The following NRROS variants were observed in gnomAD, a reference collection of about 807,000 sequenced individuals.
NRROS encodes the protein negative regulator of reactive oxygen species.
Under a neutral mutation model 12.0 loss-of-function variants are expected in NRROS, and 6 were observed. The observed-to-expected ratio is 0.50, with a 90% CI of 0.27 to 0.98. The LOEUF (loss-of-function observed/expected upper bound fraction) is 0.98. NRROS is among the 50% of genes least tolerant of loss of function. The pLI, the probability that NRROS is intolerant of heterozygous loss-of-function variation, is 0.11. For synonymous variants in NRROS, 462 were observed against 410.2 expected (o/e 1.13, Z -1.53); for missense variants, 857 against 888.2 (o/e 0.96, Z 0.45).
chr3:196,654,510 C>T lies in NRROS; in HGVS notation c.-13-17C>T, dbSNP rs1560054379. 4.8e-6 allele frequency: 7 copies of T among 1,458,726 alleles called. No individual in the cohort carries two copies. Among genetic ancestry groups the T allele is most frequent in the Non-Finnish European group, 6.7e-6 (7 of 1,038,140 alleles). 90.4% of individuals were successfully genotyped at this position (1,458,726 alleles called of 1,614,324 possible). Reference sequence around the variant, plus strand: ...TGTCCTTCTCTGACTTACCTCTTCCCTGCTCTCTGTCCACAGGGCTGCCCT... The same window carrying T: ...TGTCCTTCTCTGACTTACCTCTTCCTTGCTCTCTGTCCACAGGGCTGCCCT... On this transcript the variant is annotated splice_polypyrimidine_tract_variant and intron_variant, in intron 1 of 2. Transcript: ENST00000328557. This position sits in a 1 kb window ranked among gnomAD's most constrained non-coding sequence, Gnocchi z 4.4.
intron 2 of NRROS, among the ~76,000 whole-genome samples, chr3:196,659,062 G>A (rs1424913177): frequency 6.6e-6 from 1 of 152,150 alleles, no homozygotes; most frequent in East Asian, 1.9e-4. Context: ...TGCAAAGCGT[G>A]GGGTGAATTA....
At chr3:196,650,076 A>G (rs1232803529) in intron 1 of NRROS, among the ~76,000 whole-genome samples, 2 of 152,206 alleles carry the variant, frequency 1.3e-5, no homozygotes, top group East Asian at 3.8e-4. Flanking sequence ...TCCAGCGTGC[A>G]CCTGAATAGT....
At chr3:196,652,200 A>T (rs532075440) in intron 1 of NRROS, among the ~76,000 whole-genome samples, 2 of 152,310 alleles carry the variant, frequency 1.3e-5, no homozygotes, top group Admixed American at 6.5e-5. Flanking sequence ...AGTTGGTATA[A>T]TTCATCCTTC....
rs1356037628 is a variant in NRROS, at chr3:196,660,091, G to A, written c.448G>A (p.Ala150Thr). 1.9e-6 allele frequency: 3 copies of A among 1,613,230 alleles called. No individual in the cohort carries two copies. In the East Asian group the frequency reaches 6.7e-5, roughly 36 times the overall value. Residue 150 changes from alanine (A) to threonine (T), a missense_variant, in exon 3 of 3, where the codon GCC becomes ACC. Ala to Thr is a moderately conservative substitution (Grantham distance 58). Transcript: ENST00000328557. This position sits in a 1 kb window ranked among gnomAD's most constrained non-coding sequence, Gnocchi z 7.7. The part of the protein sequence containing the change: ...SGNALTEDMA[A>T]LMLQNLSSLR... ...AAACGCCCTGACGGAGGACATGGCA[G>A]CCCTCATGCTCCAGAACCTCTCCTC...
chr3:196,657,710 A>AT (rs1335991920), intron 2 of NRROS, among the ~76,000 whole-genome samples: 1 of 150,938 alleles, frequency 6.6e-6, no homozygotes, highest in Non-Finnish European at 1.5e-5. Flanking sequence ...TCTGTCTCAA[A>AT]AAAAAAAAAA....
chr3:196,656,882 C>T (rs1737546162), intron 2 of NRROS, among the ~76,000 whole-genome samples: 2 of 152,210 alleles, frequency 1.3e-5, no homozygotes, highest in African/African-American at 2.4e-5. Flanking sequence ...CACTGGCCCT[C>T]ATCACATTAT....
intron 1 of NRROS, among the ~76,000 whole-genome samples, chr3:196,644,398 C>CAAA (rs35853147): frequency 4.6e-5 from 4 of 87,528 alleles, no homozygotes; most frequent in Non-Finnish European, 4.6e-5. Flanking sequence ...GACCCCGTCT[C>CAAA]AAAAAAAAAA....
intron 2 of NRROS, among the ~76,000 whole-genome samples, chr3:196,657,075 G>A (rs1214743323): frequency 1.3e-5 from 2 of 151,948 alleles, no homozygotes; most frequent in African/African-American, 4.8e-5. Context: ...ATGGTGACGG[G>A]CACCTGTGAT....
intron 1 of NRROS, among the ~76,000 whole-genome samples, chr3:196,643,805 C>T (rs1737253395): frequency 6.6e-6 from 1 of 152,194 alleles, no homozygotes; most frequent in African/African-American, 2.4e-5. Context: ...TCTCTTCTAC[C>T]CTTGCAGTGT....
chr3:196,661,830 A>G lies in NRROS; in HGVS notation c.*108A>G. The G allele has an allele frequency of 1.0e-6, 1 of 1,003,666 alleles. No homozygotes were observed. The highest frequency in any genetic ancestry group is 2.0e-5 in the South Asian group (1 of 50,452). The allele number at this position is 1,003,666 out of a possible 1,614,324, so 62.2% of individuals were successfully genotyped here. A position where few individuals can be genotyped will look rare whatever the true frequency, so the allele number is the denominator to read the frequency against. On this transcript the variant is annotated 3_prime_UTR_variant, in exon 3 of 3. Transcript: ENST00000328557. ...GCCAAGTCTGACGAATTGAAGTTTC[A>G]ATTAAAATTTAATATGTTTCCATTC...
Position 196,661,135 on chromosome 3 carries a change from G to T in NRROS, c.1492G>T (p.Val498Phe), listed in dbSNP as rs770153416. The part of the protein sequence containing the change: ...TYLDLSSNWG[V>F]LNGSLAPLQD... ...CTTAGACCTCTCAAGCAACTGGGGG[G>T]TTCTGAATGGGAGCCTCGCCCCACT... Residue 498 changes from valine (V) to phenylalanine (F), a missense_variant, in exon 3 of 3, where the codon GTT (valine) becomes TTT (phenylalanine). Coordinates refer to ENST00000328557, the MANE Select transcript of NRROS (RefSeq NM_198565.3). 1.4e-5 allele frequency: 23 copies of T among 1,613,060 alleles called. No homozygotes were observed. The highest frequency in any genetic ancestry group is 8.8e-5 in the South Asian group (8 of 91,018).
At chr3:196,659,617 C>A in intron 2 of NRROS, 135 bp from the exon 3 acceptor site, 1 of 932,022 alleles carries the variant, frequency 1.1e-6, no homozygotes, top group Non-Finnish European at 1.6e-6. Flanking sequence ...CCTTGTCTAT[C>A]CTATTTTTAA....
At position 196,654,511 on chromosome 3, in the gene NRROS, T is replaced by C. The variant is rs1410005665; in HGVS notation, c.-13-16T>C. 3 of 1,465,000 alleles carry C rather than the reference T, an allele frequency of 2.0e-6. No homozygotes were observed. Among genetic ancestry groups the C allele is most frequent in the East Asian group, 4.5e-5 (2 of 44,246 alleles). 90.8% of individuals were successfully genotyped at this position (1,465,000 alleles called of 1,614,324 possible). A position where few individuals can be genotyped will look rare whatever the true frequency, so the allele number is the denominator to read the frequency against. ...GTCCTTCTCTGACTTACCTCTTCCC[T>C]GCTCTCTGTCCACAGGGCTGCCCTT... On this transcript the variant is annotated splice_polypyrimidine_tract_variant and intron_variant, in intron 1 of 2. Transcript: ENST00000328557. This position sits in a 1 kb window ranked among gnomAD's most constrained non-coding sequence, Gnocchi z 4.4.
Position 196,660,239 on chromosome 3 carries a change from G to T in NRROS, c.596G>T (p.Gly199Val), listed in dbSNP as rs753671057. The change falls in exon 3 of 3, where the codon GGC becomes GTC. Residue 199 changes from glycine (G) to valine (V), a missense_variant. Coordinates refer to ENST00000328557, the MANE Select transcript of NRROS (RefSeq NM_198565.3). This position sits in a 1 kb window ranked among gnomAD's most constrained non-coding sequence, Gnocchi z 7.7. ...QRNYIFEIEGGAFDGLAELRH... is the reference protein window; with the variant it reads ...QRNYIFEIEGVAFDGLAELRH... Reference sequence around the variant, plus strand: ...AACTACATCTTCGAGATCGAGGGCGGCGCTTTCGACGGCCTGGCTGAGCTG... The same window carrying T: ...AACTACATCTTCGAGATCGAGGGCGTCGCTTTCGACGGCCTGGCTGAGCTG... The T allele has an allele frequency of 1.9e-6, 3 of 1,613,768 alleles. No homozygotes were observed. The highest frequency in any genetic ancestry group is 2.5e-6 in the Non-Finnish European group (3 of 1,180,036).
Position 196,660,775 on chromosome 3 carries a change from C to G in NRROS, c.1132C>G (p.Leu378Val). The G allele has an allele frequency of 1.2e-6, 2 of 1,613,834 alleles. No individual in the cohort carries two copies. The highest frequency in any genetic ancestry group is 1.7e-6 in the Non-Finnish European group (2 of 1,180,040). The change falls in exon 3 of 3, where the codon CTC (leucine) becomes GTC (valine). Residue 378 changes from leucine to valine, a missense_variant. Physicochemically the swap from Leu to Val is conservative, Grantham distance 32 (BLOSUM62 1). Transcript: ENST00000328557. The surrounding 1 kb of genome is among the most constrained non-coding windows in gnomAD (Gnocchi z 7.7). ...TCGGGAGCACGAGCCCCCCGGAGCGCTCACCGAGCTGGACCTGAGCCACAA... is the reference window on the plus strand; with the variant it reads ...TCGGGAGCACGAGCCCCCCGGAGCGGTCACCGAGCTGGACCTGAGCCACAA... Reference protein sequence around the residue: ...HIREHEPPGALTELDLSHNQL... With the variant: ...HIREHEPPGAVTELDLSHNQL...
Position 196,661,882 on chromosome 3 carries a change from C to T in NRROS, c.*160C>T, listed in dbSNP as rs1160184496. ...TCATCGCCCACCCCACCCCCGCCCC[C>T]ACCACCGCCCAAGTTCTTTTTCCAT... On this transcript the variant is annotated 3_prime_UTR_variant, in exon 3 of 3. Transcript: ENST00000328557. The T allele has an allele frequency of 2.1e-6, 1 of 484,684 alleles. No individual in the cohort carries two copies. Among genetic ancestry groups the T allele is most frequent in the Admixed American group, 3.5e-5 (1 of 28,654 alleles). The allele number at this position is 484,684 out of a possible 1,614,324, so 30.0% of individuals were successfully genotyped here.
intron 1 of NRROS, among the ~76,000 whole-genome samples, chr3:196,645,911 G>T (rs1254309922): frequency 6.6e-6 from 1 of 152,182 alleles, no homozygotes; most frequent in Non-Finnish European, 1.5e-5. Context: ...CTCAACACCA[G>T]CTTGCTGTTT....
intron 1 of NRROS, among the ~76,000 whole-genome samples, chr3:196,646,277 A>G (rs1192532329): frequency 6.6e-6 from 1 of 152,238 alleles, no homozygotes; most frequent in African/African-American, 2.4e-5. Flanking sequence ...GGGCGGTGGC[A>G]GGTAGCCACT....
chr3:196,645,233 G>T (rs1274277614), intron 1 of NRROS, among the ~76,000 whole-genome samples: 1 of 152,200 alleles, frequency 6.6e-6, no homozygotes, highest in Non-Finnish European at 1.5e-5. Flanking sequence ...ATGAGTAAGA[G>T]CTTTGCAGGT....
Sources: allele counts gnomAD v4.1 joint callset (sites outside exome capture counted in the v4.1 genomes callset), GRCh38; gene constraint gnomAD v4.1.1; non-coding constraint Gnocchi (gnomAD v3.1); transcripts MANE v1.5; gene names NCBI Gene and HGNC (gene_info 2026-07-23, HGNC 2026-07-21).